The following KMT2E variants were observed in gnomAD, a reference collection of about 807,000 sequenced individuals.
KMT2E encodes lysine methyltransferase 2E (inactive).
Under a neutral mutation model 184.6 loss-of-function variants are expected in KMT2E, and 30 were observed. The observed-to-expected ratio is 0.16, with a 90% confidence interval of 0.12 to 0.22. The LOEUF (loss-of-function observed/expected upper bound fraction) is 0.22. KMT2E is among the 10% of genes least tolerant of loss of function. The pLI is 1.00. For missense variants in KMT2E, 2,023 were observed against 2,237.4 expected (o/e 0.90, Z 1.93); for synonymous variants, 815 against 776.5 (o/e 1.05, Z -0.82).
chr7:105,051,341 A>G (rs1562892574), intron 3 of KMT2E, among the ~76,000 whole-genome samples: 1 of 151,998 alleles, frequency 6.6e-6, no homozygotes, highest in Non-Finnish European at 1.5e-5. Context: ...ATGCGCCATC[A>G]TGCCCAGCTA....
chr7:105,062,068 C>A, intron 3 of KMT2E, 96 bp from the exon 4 acceptor site: 3 of 772,438 alleles, frequency 3.9e-6, no homozygotes, highest in Non-Finnish European at 6.9e-6. Flanking sequence ...TTTGTATAGC[C>A]ATTATTTTGC....
In KMT2E at chr7:105,109,061, T is replaced by G. The variant is rs542666369; in HGVS notation, c.3588T>G (p.Gly1196=). The part of the protein sequence containing the change: ...PHASGSLSNN[G]DGCASSNDNG... Reference sequence around the variant, plus strand: ...CAAGTGGAAGCTTGAGCAACAATGGTGATGGCTGTGCCAGCAGTAATGACA... The same window carrying G: ...CAAGTGGAAGCTTGAGCAACAATGGGGATGGCTGTGCCAGCAGTAATGACA... Residue 1196 remains glycine (G), a synonymous_variant, in exon 23 of 27, where the codon GGT becomes GGG. Transcript: ENST00000311117. 8.1e-6 allele frequency: 13 copies of G among 1,614,190 alleles called. No individual in the cohort carries two copies. The African/African-American group carries it at 1.2e-4, about 15-fold the overall frequency.
intron 13 of KMT2E, chr7:105,089,215 T>C (rs187046810): frequency 2.5e-6 from 1 of 404,978 alleles, no homozygotes; most frequent in Non-Finnish European, 4.8e-6. Flanking sequence ...TTGTTTTTTT[T>C]CTGGATGCAG....
chr7:105,066,060 C>G (rs1311462952), intron 5 of KMT2E, among the ~76,000 whole-genome samples: 1 of 151,978 alleles, frequency 6.6e-6, no homozygotes, highest in Non-Finnish European at 1.5e-5. Context: ...TCCTTTAACT[C>G]AAGTGTGGAA....
At position 105,113,357 on chromosome 7, in the gene KMT2E, T is replaced by A. The variant is rs541839165; in HGVS notation, c.*24T>A. 4.3e-5 allele frequency: 68 copies of A among 1,588,830 alleles called. No homozygotes were observed. The African/African-American group carries it at 7.4e-4, about 17-fold the overall frequency. On this transcript the variant is annotated 3_prime_UTR_variant, in exon 27 of 27. Transcript: ENST00000311117. ...AAAATGGACTCCAAAAACATTTTTT[T>A]AAATGTTCTGTAAGATAAACTGTAT...
At chr7:105,101,280 T>A in intron 15 of KMT2E, 145 bp from the exon 16 acceptor site, 1 of 505,182 alleles carries the variant, frequency 2.0e-6, no homozygotes, top group Middle Eastern at 5.2e-4. Context: ...CAGAAATGTT[T>A]TTTCTCCCCA....
chr7:105,043,471 C>T (rs1401157712), intron 3 of KMT2E, among the ~76,000 whole-genome samples: 2 of 151,766 alleles, frequency 1.3e-5, no homozygotes, highest in African/African-American at 2.4e-5. Flanking sequence ...CTCCTGACCT[C>T]GTGATCCACC....
chr7:105,107,011 C>T (rs1798928963), intron 20 of KMT2E, among the ~76,000 whole-genome samples, 155 bp from the exon 21 acceptor site: 1 of 152,134 alleles, frequency 6.6e-6, no homozygotes, highest in African/African-American at 2.4e-5. Flanking sequence ...TCTAATTGAT[C>T]TTAAAGCAGT....
intron 13 of KMT2E, among the ~76,000 whole-genome samples, chr7:105,087,211 A>G (rs1355823183): frequency 6.8e-6 from 1 of 146,728 alleles, no homozygotes; most frequent in Non-Finnish European, 1.5e-5. Flanking sequence ...ATATGCTTAT[A>G]TAATATATAT....
In KMT2E at chr7:105,076,973, C is replaced by A; in HGVS notation, c.779C>A (p.Pro260Gln). The change falls in exon 10 of 27, where the codon CCA (proline) becomes CAA (glutamine). Residue 260 changes from proline to glutamine, a missense_variant. By Grantham distance (76) the Pro-to-Gln change is moderately conservative (BLOSUM62 -1). Around this residue, in one of 8 missense-constraint regions of KMT2E, gnomAD observed 191 missense variants for 209.0 expected, o/e 0.91. Transcript: ENST00000311117. The stretch of plus-strand genomic sequence containing the variant: ...AGTTTATGATTTTAGGGTTCAGCTC[C>A]AGAGATTGATCCTTCATCTGATGGT... ...RKSSRVKGSA[P>Q]EIDPSSDGSN... 1 of 1,609,750 alleles carries A rather than the reference C, an allele frequency of 6.2e-7. No homozygotes were observed.
At position 105,040,912 on chromosome 7, in the gene KMT2E, A is replaced by G; in HGVS notation, c.-41A>G. 3 of 1,504,600 alleles carry G rather than the reference A, an allele frequency of 2.0e-6. No individual in the cohort carries two copies. The highest frequency in any genetic ancestry group is 2.3e-5 in the South Asian group (2 of 88,382). The allele number at this position is 1,504,600 out of a possible 1,614,324, so 93.2% of individuals were successfully genotyped here. A position where few individuals can be genotyped will look rare whatever the true frequency, so the allele number is the denominator to read the frequency against. Reference sequence around the variant, plus strand: ...GCCCCAGTGTTTTGGATACCAATGCATAGGACTCCATAGTAATCGAATTTA... The same window carrying G: ...GCCCCAGTGTTTTGGATACCAATGCGTAGGACTCCATAGTAATCGAATTTA... On this transcript the variant is annotated 5_prime_UTR_variant, in exon 3 of 27. Transcript: ENST00000311117.
chr7:105,079,094 C>T (rs1797648695), intron 12 of KMT2E, 131 bp downstream of exon 12: 3 of 510,066 alleles, frequency 5.9e-6, no homozygotes, highest in South Asian at 2.6e-5. Context: ...ACTGCCCAGC[C>T]TGTTTTTTTG....
In KMT2E at chr7:105,043,967, G is replaced by A. The variant is rs145696002; in HGVS notation, c.71+2944G>A. Among the ~76,000 whole-genome samples, 560 of 152,170 alleles carry A rather than the reference G, an allele frequency of 3.7e-3. 1 individual carries two copies. Among genetic ancestry groups the A allele is most frequent in the African/African-American group, 0.013 (524 of 41,516 alleles). On this transcript the variant is annotated intron_variant, in intron 3 of 26. Transcript: ENST00000311117. ...TTAAAAATTAGCTGGGCATGGCAGC[G>A]CATGCCTGTAGTCCCAGCTACTTGG... is the stretch of plus-strand genomic sequence containing the variant.
At position 105,025,711 on chromosome 7, in the gene KMT2E, C is replaced by T. The variant is rs118097986; in HGVS notation, c.-189+11176C>T. ...CTTGTAATGTGTTTATATTATTCTACTAAGTATTACGTAAACCAATGATAA... is the reference window on the plus strand; with the variant it reads ...CTTGTAATGTGTTTATATTATTCTATTAAGTATTACGTAAACCAATGATAA... On this transcript the variant is annotated intron_variant, in intron 1 of 26. Transcript: ENST00000311117. Among the ~76,000 whole-genome samples, 558 of 152,180 alleles carry T rather than the reference C, an allele frequency of 3.7e-3. 14 individuals are homozygous for T. In the East Asian group the frequency reaches 0.062, roughly 17 times the overall value.
intron 13 of KMT2E, among the ~76,000 whole-genome samples, chr7:105,088,155 A>T (rs563078406): frequency 6.6e-6 from 1 of 152,130 alleles, no homozygotes; most frequent in South Asian, 2.1e-4. Context: ...TCTGGTTTCA[A>T]ATCCCGGCTT....
At chr7:105,097,735 C>T (rs1447867378) in intron 15 of KMT2E, among the ~76,000 whole-genome samples, 1 of 152,184 alleles carries the variant, frequency 6.6e-6, no homozygotes, top group Non-Finnish European at 1.5e-5. Context: ...GGTTAATCAG[C>T]TTTAACTGCC....
intron 12 of KMT2E, among the ~76,000 whole-genome samples, chr7:105,079,662 C>T (rs181195220): frequency 1.5e-4 from 22 of 150,712 alleles, no homozygotes; most frequent in Admixed American, 1.3e-3. Flanking sequence ...GTAGGTGGGA[C>T]TGCAGGCGTG....
chr7:105,095,501 A>G (rs1798368231), intron 15 of KMT2E, among the ~76,000 whole-genome samples: 3 of 152,160 alleles, frequency 2.0e-5, no homozygotes, highest in Admixed American at 2.0e-4. Context: ...TCAGGGATGA[A>G]GATTTCATGA....
intron 3 of KMT2E, among the ~76,000 whole-genome samples, chr7:105,056,918 A>T (rs1232262496): frequency 6.6e-6 from 1 of 152,238 alleles, no homozygotes; most frequent in Non-Finnish European, 1.5e-5. Flanking sequence ...AGAGAGGTCA[A>T]TATGGCATTC....
Sources: allele counts gnomAD v4.1 joint callset (sites outside exome capture counted in the v4.1 genomes callset), GRCh38; gene constraint gnomAD v4.1.1; regional missense constraint gnomAD v4.1.1; transcripts MANE v1.5; gene names NCBI Gene and HGNC (gene_info 2026-07-23, HGNC 2026-07-21).